The following TASP1 variants were observed in gnomAD, a reference collection of about 807,000 sequenced individuals.
The protein encoded by TASP1 is taspase 1.
In TASP1, 16 loss-of-function variants were observed where a neutral mutation model predicts 56.6. The observed-to-expected ratio is 0.28, with a 90% CI of 0.19 to 0.43. The LOEUF (loss-of-function observed/expected upper bound fraction) is 0.43. Among genes scored for constraint, TASP1 ranks in the 20% least tolerant of loss-of-function variants. The pLI, the probability that TASP1 is intolerant of heterozygous loss-of-function variation, is 1.00. For synonymous variants in TASP1, 179 were observed against 184.2 expected (o/e 0.97, Z 0.23); for missense variants, 393 against 511.6 (o/e 0.77, Z 2.24).
chr20:13,203,122 A>C, the TASP1 span, among the ~76,000 whole-genome samples: 1 of 152,224 alleles, frequency 6.6e-6, no homozygotes, highest in African/African-American at 2.4e-5. Context: ...ACTAAGCATT[A>C]ACTACATGCA....
chr20:13,214,610 G>C, the TASP1 span, among the ~76,000 whole-genome samples: 3 of 152,016 alleles, frequency 2.0e-5, no homozygotes, highest in South Asian at 6.2e-4. Context: ...GAGACAGAGA[G>C]AGAGATTGAG....
At chr20:13,311,001 C>T in the TASP1 span, among the ~76,000 whole-genome samples, 3 of 152,168 alleles carry the variant, frequency 2.0e-5, no homozygotes, top group African/African-American at 4.8e-5. Context: ...TGAGACCAAC[C>T]TGGCCATCAT....
the TASP1 span, among the ~76,000 whole-genome samples, chr20:13,116,098 A>C: frequency 6.6e-6 from 1 of 152,214 alleles, no homozygotes; most frequent in Non-Finnish European, 1.5e-5. Context: ...CTCGTGGAAC[A>C]CACAAATGCT....
Position 13,531,284 on chromosome 20 carries a change from G to GGGATTAGAATAGAGGTTTACCTAGATC in TASP1, c.795+2711_795+2737dup, listed in dbSNP as rs573257896. Among the ~76,000 whole-genome samples, 368 of 152,202 alleles carry GGGATTAGAATAGAGGTTTACCTAGATC rather than the reference G, an allele frequency of 2.4e-3. 9 individuals carry two copies. Among genetic ancestry groups the GGGATTAGAATAGAGGTTTACCTAGATC allele is most frequent in the Admixed American group, 0.021 (321 of 15,268 alleles). On this transcript the variant is annotated intron_variant, in intron 9 of 13. Coordinates refer to ENST00000337743, the MANE Select transcript of TASP1 (RefSeq NM_017714.3). Reference sequence around the variant, plus strand: ...TAAGGGGCATGGTAAATGGGGAGGTGGGATTAGAATAGAGGTTTACCTAGA... The same window carrying GGGATTAGAATAGAGGTTTACCTAGATC: ...TAAGGGGCATGGTAAATGGGGAGGTGGGATTAGAATAGAGGTTTACCTAGATCGGATTAGAATAGAGGTTTACCTAGA...
chr20:13,588,528 C>A (rs953800536), intron 4 of TASP1, among the ~76,000 whole-genome samples: 1 of 151,470 alleles, frequency 6.6e-6, no homozygotes, highest in Non-Finnish European at 1.5e-5. Context: ...TATATATTAG[C>A]GATAAACAAT....
chr20:13,301,039 AT>A, the TASP1 span, among the ~76,000 whole-genome samples: 1 of 152,194 alleles, frequency 6.6e-6, no homozygotes, highest in Non-Finnish European at 1.5e-5. Flanking sequence ...ACATAAAGAC[AT>A]TGGACCCATC....
the TASP1 span, among the ~76,000 whole-genome samples, chr20:13,107,683 T>C: frequency 6.6e-6 from 1 of 152,184 alleles, no homozygotes; most frequent in Admixed American, 6.5e-5. Flanking sequence ...CCTTACGATC[T>C]TGGTGAAATT....
At chr20:13,417,646 G>A (rs570774093) in intron 12 of TASP1, 125 bp from the exon 13 acceptor site, 2 of 968,092 alleles carry the variant, frequency 2.1e-6, no homozygotes, top group African/African-American at 3.3e-5. Context: ...CTTTCCATTT[G>A]CTTGTTCATA....
the TASP1 span, among the ~76,000 whole-genome samples, chr20:13,149,196 A>G: frequency 6.6e-6 from 1 of 152,206 alleles, no homozygotes; most frequent in Non-Finnish European, 1.5e-5. Flanking sequence ...ACTTTCCCTG[A>G]CTTCTGTGTA....
At chr20:13,547,817 T>G (rs577578248) in intron 8 of TASP1, among the ~76,000 whole-genome samples, 1 of 152,016 alleles carries the variant, frequency 6.6e-6, no homozygotes, top group Non-Finnish European at 1.5e-5. Flanking sequence ...AAGTAGTGCA[T>G]GTATTCATTA....
chr20:13,448,439 C>T (rs566272925), intron 11 of TASP1, among the ~76,000 whole-genome samples: 167 of 152,038 alleles, frequency 1.1e-3, no homozygotes, highest in African/African-American at 3.9e-3. Context: ...ATACTCTTGC[C>T]TTGACTTTAA....
At chr20:13,355,694 G>T in the TASP1 span, among the ~76,000 whole-genome samples, 3 of 152,196 alleles carry the variant, frequency 2.0e-5, no homozygotes, top group African/African-American at 7.2e-5. Context: ...GATGGCAAAG[G>T]TGCCTTTGGA....
chr20:13,190,985 G>A, the TASP1 span, among the ~76,000 whole-genome samples: 2 of 151,902 alleles, frequency 1.3e-5, no homozygotes, highest in African/African-American at 2.4e-5. Flanking sequence ...GCCAAAAGGT[G>A]GATGAAAAAT....
intron 11 of TASP1, among the ~76,000 whole-genome samples, chr20:13,439,883 A>T (rs2043155456): frequency 6.6e-6 from 1 of 152,170 alleles, no homozygotes; most frequent in African/African-American, 2.4e-5. Context: ...TCAAAGAAAT[A>T]ATTCAAAAAC....
chr20:13,337,084 T>G, the TASP1 span, among the ~76,000 whole-genome samples: 1 of 152,208 alleles, frequency 6.6e-6, no homozygotes, highest in Middle Eastern at 3.2e-3. Flanking sequence ...TTCAGAGGGA[T>G]TCTGGGGTTT....
the TASP1 span, among the ~76,000 whole-genome samples, chr20:13,210,616 C>CGTGTGTGTGTGTGTGTGT: frequency 4.1e-5 from 6 of 147,404 alleles, no homozygotes; most frequent in African/African-American, 1.5e-4. Context: ...CATGTGCACA[C>CGTGTGTGTGTGTGTGTGT]GTGTGTGTGT....
intron 10 of TASP1, among the ~76,000 whole-genome samples, chr20:13,524,767 G>A (rs1031088471): frequency 6.6e-6 from 1 of 152,094 alleles, no homozygotes; most frequent in East Asian, 1.9e-4. Flanking sequence ...GGCATTACAT[G>A]CCTGGTGGCA....
the TASP1 span, among the ~76,000 whole-genome samples, chr20:13,109,952 A>G: frequency 6.6e-6 from 1 of 152,218 alleles, no homozygotes. Flanking sequence ...CTACTGAAAA[A>G]TAGACCTCTG....
chr20:13,607,412 T>C (rs1454021067), intron 4 of TASP1, among the ~76,000 whole-genome samples: 1 of 152,196 alleles, frequency 6.6e-6, no homozygotes, highest in African/African-American at 2.4e-5. Context: ...CATAAAATAA[T>C]ATAAGAACTG....
Sources: gnomAD v4.1 joint callset for allele counts (sites outside exome capture counted in the v4.1 genomes callset) on GRCh38, gnomAD v4.1.1 for gene constraint, MANE v1.5 for transcripts, NCBI Gene and HGNC (gene_info 2026-07-23, HGNC 2026-07-21) for gene names.